The following PHF12 variants were observed in gnomAD, a reference collection of about 807,000 sequenced individuals.
The protein encoded by PHF12 is PHD finger protein 12.
In PHF12, 6 loss-of-function variants were observed where a neutral mutation model predicts 99.8. The observed-to-expected ratio is 0.06, with a 90% CI of 0.03 to 0.12. The LOEUF is 0.12. Among genes scored for constraint, PHF12 ranks in the 10% least tolerant of loss-of-function variants. The pLI is 1.00. For synonymous variants in PHF12, 480 were observed against 514.9 expected (o/e 0.93, Z 0.92); for missense variants, 954 against 1,300.1 (o/e 0.73, Z 4.09).
intron 2 of PHF12, among the ~76,000 whole-genome samples, chr17:28,931,526 G>A (rs578171343): frequency 3.3e-5 from 5 of 151,576 alleles, no homozygotes; most frequent in African/African-American, 1.2e-4. Context: ...CAAAGTACTG[G>A]GATTACAGGC....
At chr17:28,921,541 G>A (rs1160883936) in intron 5 of PHF12, 147 bp downstream of exon 5, 14 of 1,027,452 alleles carry the variant, frequency 1.4e-5, no homozygotes, top group African/African-American at 1.6e-5. Context: ...CAAGGCTCTC[G>A]TCAGTCCATT....
intron 13 of PHF12, 55 bp from the exon 14 acceptor site, chr17:28,907,049 T>G (rs2152654699): frequency 6.5e-7 from 1 of 1,543,064 alleles, no homozygotes; most frequent in Admixed American, 1.9e-5. Flanking sequence ...GGCCTGGGGC[T>G]AAGGGGAGAG....
intron 3 of PHF12, chr17:28,926,609 T>C (rs533809124): frequency 3.1e-4 from 124 of 399,892 alleles, no homozygotes; most frequent in African/African-American, 2.6e-3. Flanking sequence ...GCCAAGTCTC[T>C]GGATACCAGT....
At chr17:28,936,441 A>T (rs1325504102) in intron 2 of PHF12, among the ~76,000 whole-genome samples, 1 of 152,198 alleles carries the variant, frequency 6.6e-6, no homozygotes, top group East Asian at 1.9e-4. Flanking sequence ...TAACAAAATA[A>T]TTCTATTTAA....
rs1353799101 is a variant in PHF12 at position 28,949,843 on chromosome 17, C to T, written c.248+222G>A. 3.6e-6 allele frequency: 2 copies of T among 555,336 alleles called. No individual in the cohort carries two copies. The highest frequency in any genetic ancestry group is 6.3e-6 in the Non-Finnish European group (2 of 315,068). 34.4% of individuals were successfully genotyped at this position (555,336 alleles called of 1,614,324 possible). A position where few individuals can be genotyped will look rare whatever the true frequency, so the allele number is the denominator to read the frequency against. On this transcript the variant is annotated intron_variant, in intron 2 of 14. Transcript: ENST00000332830. The surrounding 1 kb of genome is among the most constrained non-coding windows in gnomAD (Gnocchi z 4.6). ...CCCATATGGGGTTCTCTTCACTCGT[C>T]CCAACCCCCACCTCGGGGTCCGGAC... is the stretch of plus-strand genomic sequence containing the variant.
At position 28,950,996 on chromosome 17, in the gene PHF12, GC is replaced by G; in HGVS notation, c.-37del. On this transcript the variant is annotated 5_prime_UTR_variant, in exon 1 of 15. Coordinates refer to ENST00000332830, the MANE Select transcript of PHF12 (RefSeq NM_001033561.2). The surrounding 1 kb of genome is among the most constrained non-coding windows in gnomAD (Gnocchi z 5.7). ...CCCGGGCTGGGTGCTCTCTGCTCCG[GC>G]CCCCCCAACCCCGGGGGGAGGGGGG... The G allele has an allele frequency of 1.2e-6, 2 of 1,611,486 alleles. No individual in the cohort carries two copies. Among genetic ancestry groups the G allele is most frequent in the Non-Finnish European group, 1.7e-6 (2 of 1,178,668 alleles).
intron 2 of PHF12, among the ~76,000 whole-genome samples, chr17:28,932,827 TC>T (rs1410442368): frequency 6.6e-6 from 1 of 152,166 alleles, no homozygotes; most frequent in African/African-American, 2.4e-5. Flanking sequence ...GCACTTGTAG[TC>T]CCAGCTACTG....
At chr17:28,912,059 A>G in intron 9 of PHF12, 1 of 989,540 alleles carries the variant, frequency 1.0e-6, no homozygotes, top group Non-Finnish European at 1.2e-6. Context: ...ATCAGGCATG[A>G]ATCCATTCTT....
At chr17:28,936,784 T>A (rs1056739857) in intron 2 of PHF12, among the ~76,000 whole-genome samples, 1 of 152,210 alleles carries the variant, frequency 6.6e-6, no homozygotes, top group Non-Finnish European at 1.5e-5. Flanking sequence ...AATTTCACAG[T>A]TCACGGGGCT....
In PHF12 at chr17:28,949,963, G is replaced by GAA; in HGVS notation, c.248+101_248+102insTT. The GAA allele has an allele frequency of 7.5e-7, 1 of 1,335,782 alleles. No homozygotes were observed. The highest frequency in any genetic ancestry group is 1.0e-6 in the Non-Finnish European group (1 of 988,804). The allele number at this position is 1,335,782 out of a possible 1,614,324, so 82.7% of individuals were successfully genotyped here. A position where few individuals can be genotyped will look rare whatever the true frequency, so the allele number is the denominator to read the frequency against. On this transcript the variant is annotated intron_variant, in intron 2 of 14. Coordinates refer to ENST00000332830, the MANE Select transcript of PHF12 (RefSeq NM_001033561.2). The surrounding 1 kb of genome is among the most constrained non-coding windows in gnomAD (Gnocchi z 4.6). ...CGGCAGCTGCAGAAAGTCAGCTAGCGGCTGCAAGCGCCCGTTATTTCGGCA... is the reference window on the plus strand; with the variant it reads ...CGGCAGCTGCAGAAAGTCAGCTAGCGAAGCTGCAAGCGCCCGTTATTTCGGCA...
intron 8 of PHF12, among the ~76,000 whole-genome samples, 189 bp from the exon 9 acceptor site, chr17:28,913,466 C>G (rs910138645): frequency 1.3e-5 from 2 of 152,238 alleles, no homozygotes; most frequent in Non-Finnish European, 2.9e-5. Context: ...TAGGTACCCT[C>G]AGCAGGCCAA....
rs368691210 is a variant in PHF12, at chr17:28,949,737, C to T, written c.248+328G>A. On this transcript the variant is annotated intron_variant, in intron 2 of 14. Transcript: ENST00000332830. The surrounding 1 kb of genome is among the most constrained non-coding windows in gnomAD (Gnocchi z 4.6). ...GCGCGGGCAGGCAAGCGGCACTGGG[C>T]CCGGAGCTCCTCCCCTTCCTCCCCC... The T allele has an allele frequency of 4.3e-3, 958 of 224,042 alleles. 10 individuals carry two copies. The highest frequency in any genetic ancestry group is 0.018 in the African/African-American group (807 of 43,826). The allele number at this position is 224,042 out of a possible 1,614,324, so 13.9% of individuals were successfully genotyped here.
At chr17:28,946,869 G>A (rs2083266761) in intron 2 of PHF12, among the ~76,000 whole-genome samples, 1 of 151,862 alleles carries the variant, frequency 6.6e-6, no homozygotes. Context: ...CCGTATGGAA[G>A]GAAAATTATC....
Position 28,921,728 on chromosome 17 carries a change from G to A in PHF12, c.796C>T (p.Leu266Phe). 6.2e-7 allele frequency: 1 copy of A among 1,614,130 alleles called. No individual in the cohort carries two copies. ...KTQHELDHNG[L>F]VPLPVKVCFT... ...CAGACTTTGACGGGTAAGGGAACGA[G>A]ACCATTGTGATCTAATTCATGCTGT... The change falls in exon 5 of 15, where the codon CTC becomes TTC. Residue 266 changes from leucine (L) to phenylalanine (F), a missense_variant. Leu to Phe is a conservative substitution (Grantham distance 22, BLOSUM62 0). This residue lies in a region of PHF12 where 85 missense variants were observed against 196.6 expected (regional missense o/e 0.43). Coordinates refer to ENST00000332830, the MANE Select transcript of PHF12 (RefSeq NM_001033561.2).
At position 28,950,558 on chromosome 17, in the gene PHF12, C is replaced by T. The variant is rs2040792508; in HGVS notation, c.67-312G>A. The T allele has an allele frequency of 3.9e-6, 2 of 512,306 alleles. No individual in the cohort carries two copies. Among genetic ancestry groups the T allele is most frequent in the East Asian group, 6.7e-5 (2 of 30,018 alleles). The allele number at this position is 512,306 out of a possible 1,614,324, so 31.7% of individuals were successfully genotyped here. ...CAGTGGGGGACTCCAAAGACCCGCTCGGGAGAGGCCCAAAGCCCGGTACCC... is the reference window on the plus strand; with the variant it reads ...CAGTGGGGGACTCCAAAGACCCGCTTGGGAGAGGCCCAAAGCCCGGTACCC... On this transcript the variant is annotated intron_variant, in intron 1 of 14. Coordinates refer to ENST00000332830, the MANE Select transcript of PHF12 (RefSeq NM_001033561.2). This position sits in a 1 kb window ranked among gnomAD's most constrained non-coding sequence, Gnocchi z 5.7.
chr17:28,925,351 T>G (rs180975271), intron 3 of PHF12: 1 of 152,178 alleles, frequency 6.6e-6, no homozygotes, highest in Non-Finnish European at 1.5e-5. Context: ...AAGGGATAAT[T>G]TGGAGTTGGA....
Position 28,950,005 on chromosome 17 carries a change from G to GT in PHF12, c.248+59dup, listed in dbSNP as rs2040780896. 7 of 1,470,990 alleles carry GT rather than the reference G, an allele frequency of 4.8e-6. No individual in the cohort carries two copies. Among genetic ancestry groups the GT allele is most frequent in the Middle Eastern group, 1.8e-4 (1 of 5,408 alleles). 91.1% of individuals were successfully genotyped at this position (1,470,990 alleles called of 1,614,324 possible). ...ATTTCGGCAGTCAGGGGCAGGCCGGGTGAAGGAATGCGCAGAGAAGGGTCC... is the reference window on the plus strand; with the variant it reads ...ATTTCGGCAGTCAGGGGCAGGCCGGGTTGAAGGAATGCGCAGAGAAGGGTCC... On this transcript the variant is annotated intron_variant, in intron 2 of 14. Coordinates refer to ENST00000332830, the MANE Select transcript of PHF12 (RefSeq NM_001033561.2). This position sits in a 1 kb window ranked among gnomAD's most constrained non-coding sequence, Gnocchi z 5.7.
chr17:28,943,945 A>T (rs2040671504), intron 2 of PHF12, among the ~76,000 whole-genome samples: 1 of 152,218 alleles, frequency 6.6e-6, no homozygotes, highest in Admixed American at 6.5e-5. Context: ...CAACACATTC[A>T]TAGTGACTAG....
In PHF12 at chr17:28,905,891, A is replaced by AG. The variant is rs1379803142; in HGVS notation, c.*291dup. On this transcript the variant is annotated 3_prime_UTR_variant, in exon 15 of 15. Transcript: ENST00000332830. The stretch of plus-strand genomic sequence containing the variant: ...TGGGGAAGGGTTTTGTGTTGGAGGA[A>AG]GTGTCCAGACCCTGGGTCTTTCCCT... 3 of 286,038 alleles carry AG rather than the reference A, an allele frequency of 1.0e-5. No homozygotes were observed. Among genetic ancestry groups the AG allele is most frequent in the Non-Finnish European group, 1.3e-5 (2 of 155,276 alleles). 17.7% of individuals were successfully genotyped at this position (286,038 alleles called of 1,614,324 possible).
Sources: allele counts gnomAD v4.1 joint callset (sites outside exome capture counted in the v4.1 genomes callset), GRCh38; gene constraint gnomAD v4.1.1; regional missense constraint gnomAD v4.1.1; non-coding constraint Gnocchi (gnomAD v3.1); transcripts MANE v1.5; gene names NCBI Gene and HGNC (gene_info 2026-07-23, HGNC 2026-07-21).